ZNF148: variants seen among roughly 807,000 people sequenced by gnomAD.
The protein encoded by ZNF148 is Beta-Enolase Repressor Factor-1.
ZNF148 carries 7 observed loss-of-function variants against 67.7 expected under a neutral mutation model. The ratio of observed to expected loss-of-function variants is 0.10; its 90% CI spans 0.06 to 0.19. The LOEUF (loss-of-function observed/expected upper bound fraction) is 0.19, where lower values mean the gene tolerates loss of function less well. Ranked by LOEUF, ZNF148 falls within the 10% of genes least tolerant of loss-of-function variation. The pLI is 1.00. For missense variants in ZNF148, 583 were observed against 947.1 expected (o/e 0.62, Z 5.05); for synonymous variants, 333 against 330.7 (o/e 1.01, Z -0.08).
intron 1 of ZNF148, among the ~76,000 whole-genome samples, chr3:125,341,143 C>A: frequency 6.9e-6 from 1 of 145,198 alleles, no homozygotes; most frequent in Non-Finnish European, 1.5e-5. Context: ...AAAGTTTCAA[C>A]AATATATTAA....
chr3:125,284,571 GC>G (rs1938559617), intron 5 of ZNF148, among the ~76,000 whole-genome samples: 1 of 151,926 alleles, frequency 6.6e-6, no homozygotes, highest in East Asian at 1.9e-4. Context: ...ACTGCAATAC[GC>G]AATTTTAAAA....
intron 7 of ZNF148, among the ~76,000 whole-genome samples, chr3:125,271,931 T>C (rs1937762599): frequency 1.3e-5 from 2 of 152,216 alleles, no homozygotes; most frequent in African/African-American, 2.4e-5. Context: ...CTTGCTACCC[T>C]GTGTGTGTTT....
At chr3:125,338,108 T>C (rs1166585661) in intron 1 of ZNF148, among the ~76,000 whole-genome samples, 1 of 151,312 alleles carries the variant, frequency 6.6e-6, no homozygotes, top group East Asian at 2.0e-4. Flanking sequence ...TATCTCCAAA[T>C]CAAAAACAAA....
At chr3:125,294,834 T>C (rs925386660) in intron 4 of ZNF148, among the ~76,000 whole-genome samples, 1 of 152,226 alleles carries the variant, frequency 6.6e-6, no homozygotes, top group African/African-American at 2.4e-5. Context: ...CAAAGTCTTC[T>C]GAATCCAGTG....
At chr3:125,279,074 C>T in intron 6 of ZNF148, 50 bp downstream of exon 6, 2 of 1,508,920 alleles carry the variant, frequency 1.3e-6, no homozygotes, top group Non-Finnish European at 1.8e-6. Flanking sequence ...ATGAAAATAA[C>T]AAAGATAATA....
chr3:125,286,379 T>C (rs1028254052), intron 5 of ZNF148, among the ~76,000 whole-genome samples: 1 of 152,042 alleles, frequency 6.6e-6, no homozygotes, highest in African/African-American at 2.4e-5. Flanking sequence ...ATAATGAGGC[T>C]CCCATCTTAA....
intron 7 of ZNF148, among the ~76,000 whole-genome samples, chr3:125,255,689 T>C (rs1937043422): frequency 6.6e-6 from 1 of 152,170 alleles, no homozygotes; most frequent in Non-Finnish European, 1.5e-5. Context: ...TTACCTTCGT[T>C]TTTTATGACT....
chr3:125,333,638 T>A (rs557801263), intron 1 of ZNF148, among the ~76,000 whole-genome samples: 15 of 152,362 alleles, frequency 9.8e-5, no homozygotes, highest in African/African-American at 3.6e-4. Context: ...CAGATCTTCC[T>A]CTTTCCTTGC....
intron 3 of ZNF148, among the ~76,000 whole-genome samples, chr3:125,316,615 T>C (rs1033956944): frequency 2.0e-5 from 3 of 152,242 alleles, no homozygotes; most frequent in Non-Finnish European, 4.4e-5. Flanking sequence ...GAGCACCTTT[T>C]CATATGCCTG....
At chr3:125,285,768 G>A (rs1938623662) in intron 5 of ZNF148, among the ~76,000 whole-genome samples, 1 of 151,848 alleles carries the variant, frequency 6.6e-6, no homozygotes, top group African/African-American at 2.4e-5. Context: ...TTCTCTAAAG[G>A]GCTACCCTAA....
intron 3 of ZNF148, among the ~76,000 whole-genome samples, chr3:125,316,048 A>G (rs1400718589): frequency 6.6e-6 from 1 of 152,030 alleles, no homozygotes; most frequent in African/African-American, 2.4e-5. Context: ...CTCTATATCC[A>G]TGAGTTCAAC....
chr3:125,309,819 T>C (rs2107666962), intron 4 of ZNF148, among the ~76,000 whole-genome samples: 1 of 152,324 alleles, frequency 6.6e-6, no homozygotes, highest in East Asian at 1.9e-4. Flanking sequence ...TCTATTGCAA[T>C]CTATAGACTA....
Position 125,234,333 on chromosome 3 carries a change from G to T in ZNF148, c.668-4C>A. On this transcript the variant is annotated splice_polypyrimidine_tract_variant and splice_region_variant and intron_variant, in intron 7 of 8. Transcript: ENST00000360647. ...TCACAGCGAAATGGTTTTTCACCTA[G>T]CACATAATATAGAAAGTTTAAAACA... The T allele has an allele frequency of 6.4e-7, 1 of 1,563,810 alleles. No individual in the cohort carries two copies. Among genetic ancestry groups the T allele is most frequent in the Non-Finnish European group, 8.8e-7 (1 of 1,140,750 alleles).
intron 1 of ZNF148, among the ~76,000 whole-genome samples, chr3:125,346,172 T>C (rs1406722146): frequency 6.6e-6 from 1 of 152,210 alleles, no homozygotes; most frequent in Non-Finnish European, 1.5e-5. Flanking sequence ...GCTTAAGATT[T>C]GAAAATCAAT....
chr3:125,345,985 G>C (rs1941927437), intron 1 of ZNF148, among the ~76,000 whole-genome samples: 1 of 152,122 alleles, frequency 6.6e-6, no homozygotes. Flanking sequence ...CATTTTATGA[G>C]ATCAGCATTA....
At chr3:125,264,382 G>A (rs77737203) in intron 7 of ZNF148, among the ~76,000 whole-genome samples, 1,608 of 152,280 alleles carry the variant, frequency 0.011, 27 homozygotes, top group African/African-American at 0.036. Flanking sequence ...TAATTAAACT[G>A]TATAATAGGA....
intron 7 of ZNF148, among the ~76,000 whole-genome samples, chr3:125,239,220 T>C (rs1231287555): frequency 6.6e-6 from 1 of 152,178 alleles, no homozygotes; most frequent in Admixed American, 6.6e-5. Context: ...CATGGTATGG[T>C]TGTAAAAAAG....
chr3:125,292,355 C>T (rs1939063257), intron 4 of ZNF148: 1 of 152,196 alleles, frequency 6.6e-6, no homozygotes, highest in African/African-American at 2.4e-5. Flanking sequence ...TGATCTATTT[C>T]CCTATTACAT....
intron 1 of ZNF148, among the ~76,000 whole-genome samples, chr3:125,354,460 A>G (rs1559778397): frequency 6.6e-6 from 1 of 152,264 alleles, no homozygotes; most frequent in Non-Finnish European, 1.5e-5. Flanking sequence ...TTCTTCTGAC[A>G]ATACACTGCT....
Sources: allele counts gnomAD v4.1 joint callset (sites outside exome capture counted in the v4.1 genomes callset), GRCh38; gene constraint gnomAD v4.1.1; transcripts MANE v1.5; gene names NCBI Gene and HGNC (gene_info 2026-07-23, HGNC 2026-07-21).